Variants in CMTM8 observed in about 807,000 individuals in gnomAD.
The protein encoded by CMTM8 is CKLF-like MARVEL transmembrane domain-containing protein 8.
A neutral mutation model predicts 18.6 loss-of-function variants in CMTM8; 12 were observed. The observed-to-expected ratio is 0.65, with a 90% confidence interval of 0.41 to 1.05. The LOEUF (loss-of-function observed/expected upper bound fraction) is 1.05. CMTM8 is among the 50% of genes least tolerant of loss of function. CMTM8 has a pLI of 0.00. For missense variants in CMTM8, 217 were observed against 227.2 expected (o/e 0.95, Z 0.29); for synonymous variants, 87 against 90.6 (o/e 0.96, Z 0.23).
intron 1 of CMTM8, among the ~76,000 whole-genome samples, chr3:32,271,842 G>A (rs1330952111): frequency 6.6e-6 from 1 of 152,114 alleles, no homozygotes; most frequent in Non-Finnish European, 1.5e-5. Flanking sequence ...CAAATACAAA[G>A]ACCTCAGAAC....
chr3:32,324,806 C>T lies in CMTM8; in HGVS notation c.148-32567C>T, dbSNP rs77965679. ...ATTTTTACACATATGTGGGAGCCCCCATAGGAAAACAAAGACCCAAGGAAA... is the reference window on the plus strand; with the variant it reads ...ATTTTTACACATATGTGGGAGCCCCTATAGGAAAACAAAGACCCAAGGAAA... On this transcript the variant is annotated intron_variant, in intron 1 of 3. Coordinates refer to ENST00000307526, the MANE Select transcript of CMTM8 (RefSeq NM_178868.5). 1.5e-3 allele frequency among the ~76,000 whole-genome samples: 224 copies of T among 152,270 alleles called. 1 individual carries two copies. The highest frequency in any genetic ancestry group is 5.0e-3 in the African/African-American group (209 of 41,552).
chr3:32,346,814 C>CTTTTTTTTTTT (rs34230571), intron 1 of CMTM8, among the ~76,000 whole-genome samples: 1 of 131,458 alleles, frequency 7.6e-6, no homozygotes, highest in African/African-American at 2.7e-5. Flanking sequence ...TGTTATAATT[C>CTTTTTTTTTTT]TTTTTTTTTT....
At chr3:32,325,369 A>G (rs1696130649) in intron 1 of CMTM8, among the ~76,000 whole-genome samples, 1 of 152,222 alleles carries the variant, frequency 6.6e-6, no homozygotes, top group Admixed American at 6.5e-5. Flanking sequence ...AAAAGCCTCC[A>G]CAATTGTCAG....
chr3:32,288,174 A>G (rs1212786931), intron 1 of CMTM8, among the ~76,000 whole-genome samples: 1 of 152,152 alleles, frequency 6.6e-6, no homozygotes, highest in African/African-American at 2.4e-5. Context: ...TGTGTTCAGG[A>G]CTCTGCTAAC....
At chr3:32,310,192 T>G (rs1695793976) in intron 1 of CMTM8, among the ~76,000 whole-genome samples, 1 of 152,150 alleles carries the variant, frequency 6.6e-6, no homozygotes, top group Non-Finnish European at 1.5e-5. Context: ...TTATCAAGGC[T>G]AAAGTGTGGC....
chr3:32,240,960 A>T (rs1169023145), intron 1 of CMTM8, among the ~76,000 whole-genome samples: 2 of 151,714 alleles, frequency 1.3e-5, no homozygotes, highest in Admixed American at 1.3e-4. Flanking sequence ...GATAATTTTT[A>T]ATTTTTTTCT....
At chr3:32,369,521 C>G (rs897912432) in intron 3 of CMTM8, among the ~76,000 whole-genome samples, 2 of 152,046 alleles carry the variant, frequency 1.3e-5, no homozygotes, top group Non-Finnish European at 2.9e-5. Flanking sequence ...CTGGCCCACT[C>G]GACTCATTTA....
At chr3:32,312,016 T>C (rs563814923) in intron 1 of CMTM8, among the ~76,000 whole-genome samples, 1 of 152,300 alleles carries the variant, frequency 6.6e-6, no homozygotes, top group South Asian at 2.1e-4. Flanking sequence ...TTATAAAAAT[T>C]GTTTTCAAGA....
At chr3:32,305,272 C>T (rs1695697405) in intron 1 of CMTM8, among the ~76,000 whole-genome samples, 1 of 148,882 alleles carries the variant, frequency 6.7e-6, no homozygotes. Flanking sequence ...GCTCTGTCAC[C>T]CAGGCTGGAG....
intron 1 of CMTM8, chr3:32,259,410 G>T (rs937532738): frequency 3.4e-6 from 3 of 870,130 alleles, no homozygotes; most frequent in Non-Finnish European, 5.9e-6. Flanking sequence ...GACAATGCCT[G>T]TCTTGCTGCT....
In CMTM8 at chr3:32,323,997, T is replaced by G. The variant is rs144175850; in HGVS notation, c.148-33376T>G. Among the ~76,000 whole-genome samples the G allele has an allele frequency of 5.3e-5, 8 of 152,218 alleles. No homozygotes were observed. In the East Asian group the frequency reaches 1.5e-3, roughly 29 times the overall value. On this transcript the variant is annotated intron_variant, in intron 1 of 3. Transcript: ENST00000307526. ...TAGTTGCCAACAACTCTGTAAAAAA[T>G]TGGGTGGAAGAAGGAGTAAATGACT...
intron 1 of CMTM8, among the ~76,000 whole-genome samples, chr3:32,293,567 C>T (rs1702821344): frequency 2.6e-5 from 4 of 151,984 alleles, no homozygotes; most frequent in Admixed American, 1.3e-4. Context: ...ATAAATAGGC[C>T]AGGTGCAGTG....
At chr3:32,267,228 G>A (rs1438552505) in intron 1 of CMTM8, among the ~76,000 whole-genome samples, 1 of 152,126 alleles carries the variant, frequency 6.6e-6, no homozygotes, top group Non-Finnish European at 1.5e-5. Flanking sequence ...AACCAAAACA[G>A]CATGATACTG....
chr3:32,269,701 C>A (rs1702406947), intron 1 of CMTM8, among the ~76,000 whole-genome samples: 1 of 152,152 alleles, frequency 6.6e-6, no homozygotes, highest in Non-Finnish European at 1.5e-5. Context: ...CTTCTGCATG[C>A]CCCTAGAACT....
At chr3:32,262,951 T>G (rs1245867220) in intron 1 of CMTM8, among the ~76,000 whole-genome samples, 1 of 151,494 alleles carries the variant, frequency 6.6e-6, no homozygotes, top group South Asian at 2.1e-4. Context: ...ATCATACTTG[T>G]AACTAAAGAA....
intron 1 of CMTM8, among the ~76,000 whole-genome samples, chr3:32,356,297 T>C (rs1323635777): frequency 6.6e-6 from 1 of 152,236 alleles, no homozygotes; most frequent in African/African-American, 2.4e-5. Context: ...GAGCCCACCC[T>C]GGACTCCTGT....
At chr3:32,304,642 A>G (rs1259788891) in intron 1 of CMTM8, among the ~76,000 whole-genome samples, 1 of 152,230 alleles carries the variant, frequency 6.6e-6, no homozygotes, top group African/African-American at 2.4e-5. Flanking sequence ...ATGATTACCG[A>G]AGGTCCAGAT....
At chr3:32,309,300 ATTTT>A (rs4038996) in intron 1 of CMTM8, among the ~76,000 whole-genome samples, 23 of 96,438 alleles carry the variant, frequency 2.4e-4, no homozygotes, top group East Asian at 1.5e-3. Flanking sequence ...CAATTTACCA[ATTTT>A]TTTTTTTTTT....
chr3:32,335,533 G>C (rs1375312467), intron 1 of CMTM8, among the ~76,000 whole-genome samples: 2 of 152,150 alleles, frequency 1.3e-5, no homozygotes. Context: ...GGGGCCAGGT[G>C]GTCAACTCTC....
Sources: allele counts gnomAD v4.1 joint callset (sites outside exome capture counted in the v4.1 genomes callset), GRCh38; gene constraint gnomAD v4.1.1; transcripts MANE v1.5; gene names NCBI Gene and HGNC (gene_info 2026-07-23, HGNC 2026-07-21).